Variants in INTS6 observed in about 807,000 individuals in gnomAD.
The protein encoded by INTS6 is integrator complex subunit 6, also known as DEAD box protein.
Under a neutral mutation model 104.9 loss-of-function variants are expected in INTS6, and 16 were observed. The ratio of observed to expected loss-of-function variants is 0.15; its 90% CI spans 0.10 to 0.23. The LOEUF is 0.23. INTS6 is among the 10% of genes least tolerant of loss of function. The probability of loss-of-function intolerance (pLI) is 1.00; values close to 1 mark genes in which losing one functional copy is unlikely to be tolerated. For missense variants in INTS6, 584 were observed against 1,062.8 expected (o/e 0.55, Z 6.26); for synonymous variants, 324 against 358.7 (o/e 0.90, Z 1.09).
chr13:51,426,763 A>G (rs1377151017), intron 4 of INTS6, among the ~76,000 whole-genome samples: 1 of 152,124 alleles, frequency 6.6e-6, no homozygotes, highest in East Asian at 1.9e-4. Context: ...AGACACTTAC[A>G]TAGAAAGCTG....
downstream of INTS6, among the ~76,000 whole-genome samples, chr13:51,356,765 C>CT (rs1955487961): frequency 6.9e-6 from 1 of 145,340 alleles, no homozygotes; most frequent in Non-Finnish European, 1.5e-5. Context: ...TTAAAAGTAC[C>CT]TTTTTTGATA....
chr13:51,401,957 G>GA (rs950571495), intron 4 of INTS6, among the ~76,000 whole-genome samples: 3 of 151,776 alleles, frequency 2.0e-5, no homozygotes, highest in Non-Finnish European at 4.4e-5. Flanking sequence ...ACTACTTTTA[G>GA]AAAAAAAATT....
intron 4 of INTS6, among the ~76,000 whole-genome samples, chr13:51,415,242 T>C (rs1484807194): frequency 6.6e-6 from 1 of 152,162 alleles, no homozygotes; most frequent in Non-Finnish European, 1.5e-5. Flanking sequence ...TTGCAGTGAT[T>C]GTACTATGAG....
At chr13:51,440,788 C>T (rs1952782902) in intron 3 of INTS6, 2 of 152,156 alleles carry the variant, frequency 1.3e-5, no homozygotes, top group Admixed American at 1.3e-4. Context: ...TCATCTATCC[C>T]ATCTAGGTTT....
chr13:51,351,686 A>G (rs1955404602), downstream of INTS6, among the ~76,000 whole-genome samples: 1 of 152,146 alleles, frequency 6.6e-6, no homozygotes, highest in African/African-American at 2.4e-5. Context: ...TTTCGATGCC[A>G]TATTATATTG....
chr13:51,400,706 A>G (rs1956420522), intron 4 of INTS6, among the ~76,000 whole-genome samples: 1 of 152,238 alleles, frequency 6.6e-6, no homozygotes, highest in Non-Finnish European at 1.5e-5. Flanking sequence ...CACATTGTTA[A>G]AAGTAAACAA....
intron 3 of INTS6, chr13:51,448,779 T>C (rs976151504): frequency 1.1e-4 from 16 of 152,208 alleles, no homozygotes; most frequent in African/African-American, 3.4e-4. Flanking sequence ...TCTTTTCTCA[T>C]TTCCTTCAAC....
chr13:51,452,287 AG>A lies in INTS6; in HGVS notation c.111+127del. On this transcript the variant is annotated intron_variant, in intron 1 of 17. Transcript: ENST00000311234. This position sits in a 1 kb window ranked among gnomAD's most constrained non-coding sequence, Gnocchi z 4.2. ...CGCCCGCCCGCCCGCGCGGTGGGGG[AG>A]GGGGTCCCCGAGCCCGGCAGCTCCC... 1 of 974,394 alleles carries A rather than the reference AG, an allele frequency of 1.0e-6. No homozygotes were observed. Among genetic ancestry groups the A allele is most frequent in the Non-Finnish European group, 1.3e-6 (1 of 775,144 alleles). The allele number at this position is 974,394 out of a possible 1,614,324, so 60.4% of individuals were successfully genotyped here.
intron 3 of INTS6, chr13:51,443,370 T>C (rs1026936669): frequency 6.6e-6 from 1 of 152,166 alleles, no homozygotes. Flanking sequence ...AGAGTGTATA[T>C]TTTAAAATTC....
chr13:51,388,372 T>TG (rs974439675), intron 6 of INTS6, among the ~76,000 whole-genome samples: 24 of 149,038 alleles, frequency 1.6e-4, no homozygotes, highest in Admixed American at 1.1e-3. Context: ...GTGTGTGTTT[T>TG]GTTTTTTTTT....
At position 51,362,007 on chromosome 13, in the gene INTS6, T is replaced by C. The variant is rs1464480699; in HGVS notation, c.*3745A>G. 6.2e-7 allele frequency: 1 copy of C among 1,609,336 alleles called. No homozygotes were observed. The highest frequency in any genetic ancestry group is 1.3e-5 in the African/African-American group (1 of 74,732). On this transcript the variant is annotated 3_prime_UTR_variant, in exon 18 of 18. Transcript: ENST00000311234. Reference sequence around the variant, plus strand: ...TAAGCATTCTTTCTAGCTGTTTTTATGGTGCTTCAGAAGCTACCCAGTTGC... The same window carrying C: ...TAAGCATTCTTTCTAGCTGTTTTTACGGTGCTTCAGAAGCTACCCAGTTGC...
At chr13:51,444,610 G>A (rs1339351859) in intron 3 of INTS6, 2 of 151,884 alleles carry the variant, frequency 1.3e-5, no homozygotes, top group East Asian at 2.0e-4. Flanking sequence ...TTAGCCGAGG[G>A]TGGTGGCGGG....
chr13:51,449,238 T>C (rs2138174490), intron 3 of INTS6: 1 of 152,658 alleles, frequency 6.6e-6, no homozygotes, highest in South Asian at 2.1e-4. Flanking sequence ...GTGAGAAGCA[T>C]CATCCCTCTC....
chr13:51,433,338 C>T (rs1957131898), intron 3 of INTS6, among the ~76,000 whole-genome samples: 1 of 152,208 alleles, frequency 6.6e-6, no homozygotes, highest in East Asian at 1.9e-4. Flanking sequence ...TGCCCAGCTA[C>T]TCGGGAGGCC....
intron 13 of INTS6, among the ~76,000 whole-genome samples, chr13:51,375,019 TCACACATACATACATTGCCATTAATTC>T (rs1955889952): frequency 6.6e-6 from 1 of 152,214 alleles, no homozygotes; most frequent in East Asian, 1.9e-4. Context: ...GCCATTAATT[TCACACATACATACATTGCCATTAATTC>T]CACACATACA....
chr13:51,450,392 G>A, intron 3 of INTS6: 1 of 985,290 alleles, frequency 1.0e-6, no homozygotes, highest in Non-Finnish European at 1.2e-6. Context: ...AGAAACGAAG[G>A]GTTCTTTCAT....
intron 4 of INTS6, among the ~76,000 whole-genome samples, chr13:51,405,860 T>G (rs903483040): frequency 6.6e-6 from 1 of 152,154 alleles, no homozygotes; most frequent in African/African-American, 2.4e-5. Flanking sequence ...CACAAATTCT[T>G]AAGAAATAAT....
chr13:51,403,611 A>AAAAAG (rs1197670809), intron 4 of INTS6, among the ~76,000 whole-genome samples: 2 of 151,190 alleles, frequency 1.3e-5, no homozygotes, highest in African/African-American at 4.8e-5. Flanking sequence ...AAAAGAAAAA[A>AAAAAG]AAAAAAAGAA....
At chr13:51,367,237 A>G (rs1286441194) in intron 17 of INTS6, among the ~76,000 whole-genome samples, 2 of 152,028 alleles carry the variant, frequency 1.3e-5, no homozygotes, top group African/African-American at 4.8e-5. Context: ...AAGAAAAAAA[A>G]AGCCTGTACA....
Sources: allele counts gnomAD v4.1 joint callset (sites outside exome capture counted in the v4.1 genomes callset), GRCh38; gene constraint gnomAD v4.1.1; non-coding constraint Gnocchi (gnomAD v3.1); transcripts MANE v1.5; gene names NCBI Gene and HGNC (gene_info 2026-07-23, HGNC 2026-07-21).